The following GRID2 variants were observed in gnomAD, a reference collection of about 807,000 sequenced individuals.
GRID2 encodes the protein glutamate receptor ionotropic, delta-2.
A neutral mutation model predicts 114.8 loss-of-function variants in GRID2; 33 were observed. The ratio of observed to expected loss-of-function variants is 0.29; its 90% CI spans 0.22 to 0.38. GRID2 has a LOEUF of 0.38. Ranked by LOEUF, GRID2 falls within the 10% of genes least tolerant of loss-of-function variation. The probability of loss-of-function intolerance (pLI) is 1.00; values close to 1 mark genes in which losing one functional copy is unlikely to be tolerated. For missense variants in GRID2, 1,184 were observed against 1,257.7 expected (o/e 0.94, Z 0.89); for synonymous variants, 505 against 449.9 (o/e 1.12, Z -1.55).
chr4:93,485,145 T>C (rs1726260727), intron 11 of GRID2, among the ~76,000 whole-genome samples: 1 of 151,832 alleles, frequency 6.6e-6, no homozygotes, highest in African/African-American at 2.4e-5. Context: ...TTTTTTATTT[T>C]GTATTTCCCC....
downstream of GRID2, among the ~76,000 whole-genome samples, chr4:93,779,520 AG>A (rs1734438509): frequency 6.6e-6 from 1 of 152,196 alleles, no homozygotes; most frequent in Non-Finnish European, 1.5e-5. Context: ...CTCCTGAGAA[AG>A]CTTCCAAAGT....
chr4:93,104,125 T>TGA (rs1299301477), intron 3 of GRID2, among the ~76,000 whole-genome samples: 1 of 152,096 alleles, frequency 6.6e-6, no homozygotes, highest in African/African-American at 2.4e-5. Flanking sequence ...CGCTTATTAG[T>TGA]GAGAACAAGT....
intron 1 of GRID2, among the ~76,000 whole-genome samples, chr4:92,323,434 A>G (rs1726424725): frequency 6.6e-6 from 1 of 152,086 alleles, no homozygotes; most frequent in African/African-American, 2.4e-5. Context: ...TGTTTCATGT[A>G]GAAGTCATTA....
At chr4:93,717,038 A>T (rs879296394) in intron 14 of GRID2, among the ~76,000 whole-genome samples, 8 of 152,124 alleles carry the variant, frequency 5.3e-5, no homozygotes, top group African/African-American at 1.7e-4. Context: ...TATCAGCTTC[A>T]ATAATTAAAA....
chr4:93,326,988 T>C (rs1757905002), intron 8 of GRID2, among the ~76,000 whole-genome samples: 1 of 152,144 alleles, frequency 6.6e-6, no homozygotes. Context: ...TTTCTTTTTA[T>C]ATTTTTTGAT....
intron 2 of GRID2, among the ~76,000 whole-genome samples, chr4:92,652,742 G>T (rs1371333306): frequency 8.4e-5 from 12 of 142,372 alleles, no homozygotes; most frequent in Admixed American, 2.2e-4. Context: ...AGGCTGGGGG[G>T]GTTGGGGGGT....
chr4:93,220,202 T>C (rs2149487361), intron 6 of GRID2, among the ~76,000 whole-genome samples: 1 of 152,148 alleles, frequency 6.6e-6, no homozygotes, highest in South Asian at 2.1e-4. Flanking sequence ...CAACAGGGCT[T>C]CCTTAAAAAC....
chr4:93,560,787 T>A (rs571550334), intron 13 of GRID2, among the ~76,000 whole-genome samples: 1 of 152,312 alleles, frequency 6.6e-6, no homozygotes, highest in South Asian at 2.1e-4. Context: ...CTAGCCTACC[T>A]ATATATTTTA....
intron 2 of GRID2, among the ~76,000 whole-genome samples, chr4:93,006,831 A>C (rs2149224425): frequency 6.6e-6 from 1 of 152,054 alleles, no homozygotes; most frequent in East Asian, 1.9e-4. Flanking sequence ...ATTTATAGAA[A>C]GAAAAAAAAA....
chr4:93,081,568 G>T (rs1374622951), intron 2 of GRID2, among the ~76,000 whole-genome samples: 1 of 152,040 alleles, frequency 6.6e-6, no homozygotes, highest in Admixed American at 6.6e-5. Context: ...AAACATCTTT[G>T]GTAGTGACAG....
chr4:92,847,596 G>A (rs111738585), intron 2 of GRID2, among the ~76,000 whole-genome samples: 48 of 152,072 alleles, frequency 3.2e-4, no homozygotes, highest in African/African-American at 1.1e-3. Context: ...TTCTACTTCA[G>A]ATCTCTGTAA....
At chr4:93,682,541 A>C (rs554846830) in intron 14 of GRID2, among the ~76,000 whole-genome samples, 1 of 152,100 alleles carries the variant, frequency 6.6e-6, no homozygotes, top group African/African-American at 2.4e-5. Flanking sequence ...CAAATGTCCA[A>C]CAATGATAGA....
chr4:92,690,347 G>GT (rs973964327), intron 2 of GRID2, among the ~76,000 whole-genome samples: 2 of 152,144 alleles, frequency 1.3e-5, no homozygotes, highest in African/African-American at 4.8e-5. Context: ...GGAACAGTTG[G>GT]TAAGTGGAGC....
At chr4:92,767,832 G>A (rs754561012) in intron 2 of GRID2, among the ~76,000 whole-genome samples, 6 of 151,836 alleles carry the variant, frequency 4.0e-5, no homozygotes, top group Non-Finnish European at 8.8e-5. Flanking sequence ...CTTGAGGCCA[G>A]GATTTCAAGG....
chr4:93,668,319 T>C (rs1323994700), intron 14 of GRID2, among the ~76,000 whole-genome samples: 1 of 152,032 alleles, frequency 6.6e-6, no homozygotes, highest in East Asian at 1.9e-4. Flanking sequence ...ATAACCGTTT[T>C]CTCCTACACT....
intron 13 of GRID2, among the ~76,000 whole-genome samples, chr4:93,543,847 A>G (rs138687714): frequency 1.4e-4 from 22 of 152,296 alleles, no homozygotes; most frequent in Non-Finnish European, 2.8e-4. Context: ...GCGACCTTGA[A>G]AAAGAAAGCT....
chr4:92,593,444 A>C (rs1418105708), intron 2 of GRID2, among the ~76,000 whole-genome samples: 1 of 151,982 alleles, frequency 6.6e-6, no homozygotes, highest in Admixed American at 6.6e-5. Flanking sequence ...ATAACCCATA[A>C]ACAGTAATAA....
intron 2 of GRID2, among the ~76,000 whole-genome samples, chr4:92,749,289 G>A (rs1737314709): frequency 7.1e-6 from 1 of 139,918 alleles, no homozygotes; most frequent in Non-Finnish European, 1.5e-5. Flanking sequence ...ATGAGACGCC[G>A]CGCCCGGCCT....
chr4:92,947,724 G>T (rs1751743659), intron 2 of GRID2, among the ~76,000 whole-genome samples: 1 of 151,668 alleles, frequency 6.6e-6, no homozygotes, highest in Non-Finnish European at 1.5e-5. Context: ...ATATGTGTGT[G>T]TTTGTAATGA....
Sources: gnomAD v4.1 joint callset for allele counts (sites outside exome capture counted in the v4.1 genomes callset) on GRCh38, gnomAD v4.1.1 for gene constraint, MANE v1.5 for transcripts, NCBI Gene and HGNC (gene_info 2026-07-23, HGNC 2026-07-21) for gene names.